LMO4: variants seen among roughly 807,000 people sequenced by gnomAD.
LMO4 encodes LIM domain transcription factor LMO4.
A neutral mutation model predicts 18.5 loss-of-function variants in LMO4; 3 were observed. The ratio of observed to expected loss-of-function variants is 0.16; its 90% CI spans 0.07 to 0.42. The LOEUF (loss-of-function observed/expected upper bound fraction) is 0.42. Ranked by LOEUF, LMO4 falls within the 10% of genes least tolerant of loss-of-function variation. LMO4 has a pLI of 0.99. For missense variants in LMO4, 121 were observed against 219.9 expected, an observed-to-expected ratio of 0.55 and a Z score of 2.84; for synonymous variants, 100 against 88.1, an observed-to-expected ratio of 1.14 and a Z score of -0.76.
In LMO4 at chr1:87,329,212, C is replaced by T. The variant is rs898846887; in HGVS notation, c.-36C>T. The T allele has an allele frequency of 5.2e-5, 8 of 152,554 alleles. No homozygotes were observed. Among genetic ancestry groups the T allele is most frequent in the African/African-American group, 1.9e-4 (8 of 41,558 alleles). 9.5% of individuals were successfully genotyped at this position (152,554 alleles called of 1,614,324 possible). A position where few individuals can be genotyped will look rare whatever the true frequency, so the allele number is the denominator to read the frequency against. ...TTCGCTCGCATTTCACCGCCGCCGC[C>T]TCTCGCAATATTGCAATATAGGGGA... is the stretch of plus-strand genomic sequence containing the variant. On this transcript the variant is annotated 5_prime_UTR_variant, in exon 1 of 5. Transcript: ENST00000370544.
chr1:87,332,707 G>C (rs553561775), intron 2 of LMO4, among the ~76,000 whole-genome samples: 1 of 152,118 alleles, frequency 6.6e-6, no homozygotes, highest in African/African-American at 2.4e-5. Context: ...GCTTATTAAC[G>C]ATATTTACAT....
chr1:87,342,576 A>G (rs1219694510), intron 4 of LMO4, among the ~76,000 whole-genome samples: 2 of 152,160 alleles, frequency 1.3e-5, no homozygotes, highest in African/African-American at 4.8e-5. Context: ...TAAAAGGCAT[A>G]AGGAAATACA....
rs941757826 is a variant in LMO4, at chr1:87,345,375, T to A, written c.*579T>A. ...AGTGTTTTTGTCCTAATGTTGCTAC[T>A]CCCATGGCAAAGAAAAAAAAAAGAA... On this transcript the variant is annotated 3_prime_UTR_variant, in exon 5 of 5. Transcript: ENST00000370544. 3 of 146,038 alleles carry A rather than the reference T, an allele frequency of 2.1e-5. No individual in the cohort carries two copies. The highest frequency in any genetic ancestry group is 5.2e-5 in the African/African-American group (2 of 38,670). 9.0% of individuals were successfully genotyped at this position (146,038 alleles called of 1,614,324 possible). A position where few individuals can be genotyped will look rare whatever the true frequency, so the allele number is the denominator to read the frequency against.
In LMO4 at chr1:87,329,031, C is replaced by G. The variant is rs1377384964; in HGVS notation, c.-217C>G. 1 of 151,042 alleles carries G rather than the reference C, an allele frequency of 6.6e-6. No homozygotes were observed. Among genetic ancestry groups the G allele is most frequent in the East Asian group, 2.0e-4 (1 of 5,054 alleles). The allele number at this position is 151,042 out of a possible 1,614,324, so 9.4% of individuals were successfully genotyped here. A position where few individuals can be genotyped will look rare whatever the true frequency, so the allele number is the denominator to read the frequency against. ...TCTGCTCCCGGCCGCCCGGCACTTA[C>G]GCGGGGGCCCCCCAACCCGCCCCAG... On this transcript the variant is annotated 5_prime_UTR_variant, in exon 1 of 5. Transcript: ENST00000370544.
intron 2 of LMO4, among the ~76,000 whole-genome samples, chr1:87,335,330 A>G (rs1650274737): frequency 6.6e-6 from 1 of 152,040 alleles, no homozygotes; most frequent in African/African-American, 2.4e-5. Flanking sequence ...GGGGAGGGCG[A>G]GGAAACGCGC....
At position 87,344,908 on chromosome 1, in the gene LMO4, T is replaced by C; in HGVS notation, c.*112T>C. On this transcript the variant is annotated 3_prime_UTR_variant, in exon 5 of 5. Transcript: ENST00000370544. ...CTTTGTAGCTAGCACCAGTGCCAGC[T>C]CCATGCCATTGCACCTTCTTTAGTC... 1.0e-6 allele frequency: 1 copy of C among 995,412 alleles called. No individual in the cohort carries two copies. The highest frequency in any genetic ancestry group is 1.6e-6 in the Non-Finnish European group (1 of 627,864). 61.7% of individuals were successfully genotyped at this position (995,412 alleles called of 1,614,324 possible). A position where few individuals can be genotyped will look rare whatever the true frequency, so the allele number is the denominator to read the frequency against.
intron 2 of LMO4, among the ~76,000 whole-genome samples, chr1:87,337,167 C>T (rs1026979659): frequency 1.1e-4 from 16 of 152,180 alleles, no homozygotes; most frequent in Non-Finnish European, 2.1e-4. Context: ...CACATCAGTC[C>T]TGGGTAGATC....
At chr1:87,339,937 A>G (rs1650426779) in intron 3 of LMO4, 110 bp from the exon 4 acceptor site, 6 of 1,225,956 alleles carry the variant, frequency 4.9e-6, no homozygotes, top group South Asian at 1.4e-5. Context: ...GCTAAACCCT[A>G]AGTGTCTCTG....
In LMO4 at chr1:87,340,211, C is replaced by G; in HGVS notation, c.489+9C>G. On this transcript the variant is annotated intron_variant, in intron 4 of 4. Transcript: ENST00000370544. ...TACTGCCAGACCAGAAGGTGAATAC[C>G]CAGCAATTACTAATAAGCTTTATTA... 1.2e-6 allele frequency: 2 copies of G among 1,613,244 alleles called. No homozygotes were observed. Among genetic ancestry groups the G allele is most frequent in the South Asian group, 2.2e-5 (2 of 90,972 alleles).
At chr1:87,333,717 A>G (rs1650214964) in intron 2 of LMO4, among the ~76,000 whole-genome samples, 1 of 152,210 alleles carries the variant, frequency 6.6e-6, no homozygotes, top group African/African-American at 2.4e-5. Flanking sequence ...GGCAGCATTA[A>G]TTTCACTAAG....
intron 2 of LMO4, among the ~76,000 whole-genome samples, chr1:87,339,077 A>G (rs575852734): frequency 1.4e-4 from 21 of 152,222 alleles, no homozygotes; most frequent in Non-Finnish European, 2.5e-4. Flanking sequence ...GGGAGTTTCA[A>G]TACACTGAGC....
intron 2 of LMO4, among the ~76,000 whole-genome samples, chr1:87,335,456 A>T (rs1650278509): frequency 6.6e-6 from 1 of 151,754 alleles, no homozygotes; most frequent in African/African-American, 2.4e-5. Flanking sequence ...TCTCGGGCCC[A>T]CGAGGGGGCG....
chr1:87,339,935 C>A, intron 3 of LMO4, 112 bp from the exon 4 acceptor site: 1 of 1,221,300 alleles, frequency 8.2e-7, no homozygotes, highest in Non-Finnish European at 1.2e-6. Context: ...ACGCTAAACC[C>A]TAAGTGTCTC....
At chr1:87,334,347 G>T (rs1650238269) in intron 2 of LMO4, among the ~76,000 whole-genome samples, 1 of 152,074 alleles carries the variant, frequency 6.6e-6, no homozygotes, top group African/African-American at 2.4e-5. Context: ...GCAGCTGAGC[G>T]CCCCTTCCCC....
intron 1 of LMO4, among the ~76,000 whole-genome samples, chr1:87,330,457 C>G (rs540187277): frequency 4.7e-4 from 72 of 152,300 alleles, no homozygotes; most frequent in African/African-American, 1.5e-3. Context: ...AAATGCAATG[C>G]TAATGGGTTT....
chr1:87,337,881 G>A (rs1211940026), intron 2 of LMO4, among the ~76,000 whole-genome samples: 5 of 152,152 alleles, frequency 3.3e-5, no homozygotes, highest in African/African-American at 1.2e-4. Flanking sequence ...CACATGGTGT[G>A]GTCCTGCAGC....
chr1:87,343,765 A>G (rs1395665053), intron 4 of LMO4, among the ~76,000 whole-genome samples: 1 of 152,040 alleles, frequency 6.6e-6, no homozygotes, highest in African/African-American at 2.4e-5. Context: ...CTGAGCTTCC[A>G]CTCTGGGGAA....
At chr1:87,341,471 A>G (rs139675372) in intron 4 of LMO4, among the ~76,000 whole-genome samples, 93 of 152,326 alleles carry the variant, frequency 6.1e-4, no homozygotes, top group Admixed American at 6.1e-3. Flanking sequence ...ATTTATCTGC[A>G]AATAGGAATT....
At chr1:87,343,852 A>G (rs76258415) in intron 4 of LMO4, among the ~76,000 whole-genome samples, 4,360 of 152,270 alleles carry the variant, frequency 0.029, 219 homozygotes, top group African/African-American at 0.1. Flanking sequence ...TTTGTAAGTT[A>G]GGGAAAGGGT....
Sources: gnomAD v4.1 joint callset for allele counts (sites outside exome capture counted in the v4.1 genomes callset) on GRCh38, gnomAD v4.1.1 for gene constraint, MANE v1.5 for transcripts, NCBI Gene and HGNC (gene_info 2026-07-23, HGNC 2026-07-21) for gene names.